Variants in NOL7 observed in about 807,000 individuals in gnomAD.
NOL7 encodes nucleolar protein 7, also known as U3 small nucleolar RNA-associated protein NOL7.
NOL7 carries 36 observed loss-of-function variants against 38.4 expected under a neutral mutation model. That is an observed-to-expected ratio of 0.94 (90% CI 0.72 to 1.24). The LOEUF is 1.24. Ranked by LOEUF, NOL7 falls within the 50% of genes most tolerant of loss-of-function variation. The pLI is 0.00. For synonymous variants in NOL7, 142 were observed against 126.5 expected, an observed-to-expected ratio of 1.12 and a Z score of -0.82; for missense variants, 350 against 315.1, an observed-to-expected ratio of 1.11 and a Z score of -0.84.
chr6:13,617,386 A>G lies in NOL7; in HGVS notation c.387-384A>G, dbSNP rs556426420. On this transcript the variant is annotated intron_variant, in intron 3 of 7. Transcript: ENST00000451315. ...AGGCTGTTCCCTGTCTCCTGTGCCT[A>G]AACTATTAAATTAATCCTTTGTGAT... 1.2e-4 allele frequency among the ~76,000 whole-genome samples: 18 copies of G among 152,258 alleles called. No homozygotes were observed. In the South Asian group the frequency reaches 3.7e-3, roughly 32 times the overall value.
chr6:13,629,910 TCTCTCTCTCTC>T (rs1764728360), intron 8 of NOL7, among the ~76,000 whole-genome samples: 2 of 122,990 alleles, frequency 1.6e-5, no homozygotes, highest in East Asian at 3.5e-4. Flanking sequence ...TCTCTCTCTC[TCTCTCTCTCTC>T]GTGTGTGTGT....
intron 2 of NOL7, 125 bp downstream of exon 2, chr6:13,615,897 A>G: frequency 2.0e-6 from 2 of 987,924 alleles, no homozygotes; most frequent in Non-Finnish European, 3.0e-6. Context: ...TGCCTCTGAC[A>G]GTGGTGGAAA....
downstream of NOL7, among the ~76,000 whole-genome samples, chr6:13,626,422 A>C (rs192156222): frequency 1.7e-3 from 257 of 152,330 alleles, no homozygotes; most frequent in African/African-American, 5.9e-3. Flanking sequence ...AAGCTCCACC[A>C]CTAACTGGCT....
chr6:13,617,395 A>C (rs1764321227), intron 3 of NOL7, among the ~76,000 whole-genome samples: 1 of 152,140 alleles, frequency 6.6e-6, no homozygotes, highest in Non-Finnish European at 1.5e-5. Context: ...TAAACTATTA[A>C]ATTAATCCTT....
intron 5 of NOL7, 123 bp from the exon 6 acceptor site, chr6:13,620,085 C>G (rs1764398516): frequency 2.8e-6 from 3 of 1,057,864 alleles, no homozygotes; most frequent in Admixed American, 2.8e-5. Context: ...ACCTGGGAGG[C>G]AGAAGTTGCA....
intron 8 of NOL7, among the ~76,000 whole-genome samples, chr6:13,629,084 CCTATACAGCAACAAT>C (rs1764703039): frequency 3.9e-5 from 6 of 151,908 alleles, no homozygotes; most frequent in Non-Finnish European, 7.4e-5. Flanking sequence ...TTGAAATAAA[CCTATACAGCAACAAT>C]AAAATATCAT....
rs1764240205 is a variant in NOL7, at chr6:13,615,335, A to C, written c.-24A>C. 1.4e-6 allele frequency: 2 copies of C among 1,447,168 alleles called. No homozygotes were observed. Among genetic ancestry groups the C allele is most frequent in the Admixed American group, 2.8e-5 (1 of 35,482 alleles). The allele number at this position is 1,447,168 out of a possible 1,614,324, so 89.6% of individuals were successfully genotyped here. ...TGTAGCTGCTTCCGGGTCAGAGGTC[A>C]GACGGTCTAGCGCTGCGTGGGCCAT... On this transcript the variant is annotated 5_prime_UTR_variant, in exon 1 of 8. Coordinates refer to ENST00000451315, the MANE Select transcript of NOL7 (RefSeq NM_016167.5).
Position 13,620,855 on chromosome 6 carries a change from TTGTA to T in NOL7, c.*34_*37del, listed in dbSNP as rs1323100967. ...CAATGCTAAATGAAGAATCTGTACT[TTGTA>T]TGTATAGAATTTATCTAATAAATCA... On this transcript the variant is annotated 3_prime_UTR_variant, in exon 8 of 8. Coordinates refer to ENST00000451315, the MANE Select transcript of NOL7 (RefSeq NM_016167.5). 5.3e-6 allele frequency: 7 copies of T among 1,317,862 alleles called. No homozygotes were observed. In the Admixed American group the frequency reaches 6.1e-5, roughly 11 times the overall value. The allele number at this position is 1,317,862 out of a possible 1,614,324, so 81.6% of individuals were successfully genotyped here. A position where few individuals can be genotyped will look rare whatever the true frequency, so the allele number is the denominator to read the frequency against.
downstream of NOL7, chr6:13,622,290 A>T (rs901792801): frequency 7.4e-7 from 1 of 1,349,824 alleles, no homozygotes; most frequent in Non-Finnish European, 9.6e-7. Flanking sequence ...CTAAATTTCA[A>T]ATCAGCAGAG....
Position 13,618,108 on chromosome 6 carries a change from A to T in NOL7, c.469A>T (p.Lys157Ter). The part of the protein sequence containing the change: ...EDCEKGNDSK[K>*]VKVQKVQSVS... Reference sequence around the variant, plus strand: ...CTGTGAAAAAGGAAATGACTCCAAGAAAGTTAAAGTACAAAAAGTACAGTC... The same window carrying T: ...CTGTGAAAAAGGAAATGACTCCAAGTAAGTTAAAGTACAAAAAGTACAGTC... Residue 157 changes from lysine to a stop codon, truncating the protein, a stop_gained, in exon 5 of 8, where the codon AAA becomes TAA. Transcript: ENST00000451315. LOFTEE classifies it high-confidence loss of function. The T allele has an allele frequency of 6.3e-7, 1 of 1,592,526 alleles. No homozygotes were observed. Among genetic ancestry groups the T allele is most frequent in the East Asian group, 2.2e-5 (1 of 44,766 alleles).
chr6:13,616,475 C>A lies in NOL7; in HGVS notation c.340C>A (p.Leu114Ile). ...LFIEQKKRKL[L>I]PDTILEKLTT... Reference sequence around the variant, plus strand: ...TTCATTCCAAAAGAAAAGAAAACTCCTTCCAGACACTATTTTGGAGAAGTT... The same window carrying A: ...TTCATTCCAAAAGAAAAGAAAACTCATTCCAGACACTATTTTGGAGAAGTT... Residue 114 changes from leucine to isoleucine, a missense_variant, in exon 3 of 8, where the codon CTT (leucine) becomes ATT (isoleucine). Physicochemically the swap from Leu to Ile is conservative, Grantham distance 5. Coordinates refer to ENST00000451315, the MANE Select transcript of NOL7 (RefSeq NM_016167.5). The A allele has an allele frequency of 6.2e-7, 1 of 1,607,852 alleles. No homozygotes were observed. Among genetic ancestry groups the A allele is most frequent in the Non-Finnish European group, 8.5e-7 (1 of 1,176,948 alleles).
In NOL7 at chr6:13,620,814, A is replaced by T; in HGVS notation, c.761A>T (p.Lys254Ile). 1 of 1,597,068 alleles carries T rather than the reference A, an allele frequency of 6.3e-7. No individual in the cohort carries two copies. Among genetic ancestry groups the T allele is most frequent in the Non-Finnish European group, 8.5e-7 (1 of 1,170,934 alleles). Residue 254 changes from lysine to isoleucine, a missense_variant, in exon 8 of 8, where the codon AAA (lysine) becomes ATA (isoleucine). Lys to Ile is a moderately radical substitution (Grantham distance 102). Transcript: ENST00000451315. ...FKRRWMVRKM[K>I]TKK The stretch of plus-strand genomic sequence containing the variant: ...AGACGGTGGATGGTCAGAAAGATGA[A>T]AACTAAGAAGTAAATCAATGCTAAA...
At position 13,615,499 on chromosome 6, in the gene NOL7, G is replaced by T. The variant is rs1360167896; in HGVS notation, c.141G>T (p.Glu47Asp). The T allele has an allele frequency of 1.3e-6, 2 of 1,553,632 alleles. No homozygotes were observed. The highest frequency in any genetic ancestry group is 2.4e-5 in the East Asian group (1 of 41,180). The change falls in exon 1 of 8, where the codon GAG (glutamate) becomes GAT (aspartate). Residue 47 changes from glutamate (E) to aspartate (D), a missense_variant. Coordinates refer to ENST00000451315, the MANE Select transcript of NOL7 (RefSeq NM_016167.5). ...LGQPSSGAAA[E>D]PLEEDEEGDD... The stretch of plus-strand genomic sequence containing the variant: ...AGCCCAGCAGCGGCGCGGCCGCCGA[G>T]CCCCTGGAGGAAGACGAGGAAGGGG...
At chr6:13,625,833 G>A, downstream of NOL7, 2 of 1,162,654 alleles carry the variant, frequency 1.7e-6, no homozygotes, top group Non-Finnish European at 2.6e-6. Context: ...ATGTTTCCAA[G>A]TTGAGAGGTA....
chr6:13,618,903 G>T (rs1471730722), intron 5 of NOL7, among the ~76,000 whole-genome samples: 2 of 151,982 alleles, frequency 1.3e-5, no homozygotes, highest in Non-Finnish European at 2.9e-5. Flanking sequence ...AAAAAAAATC[G>T]GTTTTCATAA....
At chr6:13,625,841 G>A, downstream of NOL7, 3 of 1,018,390 alleles carry the variant, frequency 2.9e-6, no homozygotes, top group Non-Finnish European at 3.1e-6. Flanking sequence ...AAGTTGAGAG[G>A]TAAAATATGG....
chr6:13,626,247 G>C (rs1764599905), downstream of NOL7, among the ~76,000 whole-genome samples: 1 of 152,202 alleles, frequency 6.6e-6, no homozygotes, highest in South Asian at 2.1e-4. Flanking sequence ...CTGCCCTTCA[G>C]GACCTGTTTA....
At chr6:13,628,819 G>A (rs1010242851) in intron 8 of NOL7, among the ~76,000 whole-genome samples, 2 of 152,228 alleles carry the variant, frequency 1.3e-5, no homozygotes, top group Non-Finnish European at 2.9e-5. Context: ...TGTTAAACCC[G>A]CTAAAGTAGC....
downstream of NOL7, among the ~76,000 whole-genome samples, chr6:13,624,546 A>C (rs565924298): frequency 1.3e-5 from 2 of 152,352 alleles, no homozygotes; most frequent in East Asian, 3.9e-4. Context: ...AGAACTGCCC[A>C]AAACTCAAAC....
Sources: gnomAD v4.1 joint callset for allele counts (sites outside exome capture counted in the v4.1 genomes callset) on GRCh38, gnomAD v4.1.1 for gene constraint, MANE v1.5 for transcripts, NCBI Gene and HGNC (gene_info 2026-07-23, HGNC 2026-07-21) for gene names.